WLS: variants seen among roughly 807,000 people sequenced by gnomAD.
WLS encodes Wnt ligand secretion mediator.
WLS carries 23 observed loss-of-function variants against 62.8 expected under a neutral mutation model. The observed-to-expected ratio is 0.37, with a 90% CI of 0.26 to 0.52. WLS has a LOEUF of 0.52. Ranked by LOEUF, WLS falls within the 20% of genes least tolerant of loss-of-function variation. WLS has a pLI of 0.92. For synonymous variants in WLS, 246 were observed against 244.1 expected, an observed-to-expected ratio of 1.01 and a Z score of -0.07; for missense variants, 615 against 697.3, an observed-to-expected ratio of 0.88 and a Z score of 1.33.
At chr1:68,198,017 G>A (rs1648772039) in intron 1 of WLS, among the ~76,000 whole-genome samples, 2 of 152,132 alleles carry the variant, frequency 1.3e-5, no homozygotes, top group South Asian at 4.1e-4. Flanking sequence ...ACTGAGTCAT[G>A]TTTGCTCAGG....
chr1:68,164,796 C>A (rs780407228), intron 2 of WLS, among the ~76,000 whole-genome samples: 3 of 152,168 alleles, frequency 2.0e-5, no homozygotes, highest in Admixed American at 6.5e-5. Flanking sequence ...TCTCCCACAT[C>A]TTCCCATCTG....
At chr1:68,216,338 G>A (rs1213349926) in intron 1 of WLS, among the ~76,000 whole-genome samples, 1 of 152,142 alleles carries the variant, frequency 6.6e-6, no homozygotes, top group Non-Finnish European at 1.5e-5. Context: ...TGATGGACTG[G>A]CCTATCTTAG....
chr1:68,106,305 T>C (rs1339882966), intron 11 of WLS, among the ~76,000 whole-genome samples: 2 of 152,280 alleles, frequency 1.3e-5, no homozygotes, highest in South Asian at 4.1e-4. Context: ...CTTGAGGAGA[T>C]GCCGAGGCTG....
chr1:68,170,626 G>A (rs182878496), intron 2 of WLS, among the ~76,000 whole-genome samples: 18 of 151,998 alleles, frequency 1.2e-4, no homozygotes, highest in Admixed American at 5.2e-4. Flanking sequence ...TGGCATCCCC[G>A]CTCGTGCCAG....
chr1:68,167,101 G>A (rs993299887), intron 2 of WLS, among the ~76,000 whole-genome samples: 16 of 152,238 alleles, frequency 1.1e-4, no homozygotes, highest in East Asian at 1.9e-4. Context: ...AAGACTTAAC[G>A]CCTAGAATTT....
At chr1:68,217,963 A>G (rs1038513773) in intron 1 of WLS, among the ~76,000 whole-genome samples, 2 of 152,240 alleles carry the variant, frequency 1.3e-5, no homozygotes. Flanking sequence ...TCTCACAGCA[A>G]TTAAGCAGAT....
chr1:68,119,720 A>G (rs1557453141), intron 11 of WLS, among the ~76,000 whole-genome samples: 1 of 152,236 alleles, frequency 6.6e-6, no homozygotes, highest in Non-Finnish European at 1.5e-5. Flanking sequence ...CAAGCCAGCT[A>G]CTTGCACACA....
At position 68,103,932 on chromosome 1, in the gene WLS, A is replaced by G. The variant is rs141212359; in HGVS notation, c.1511-5179T>C. Among the ~76,000 whole-genome samples the G allele has an allele frequency of 9.2e-5, 14 of 152,238 alleles. 1 individual carries two copies. Among genetic ancestry groups the G allele is most frequent in the Middle Eastern group, 3.4e-3 (1 of 294 alleles). On this transcript the variant is annotated intron_variant, in intron 11 of 11. Coordinates refer to the WLS transcript ENST00000354777. ...AAACATGGGGTGCTGGGGGCAGGGG[A>G]CAATTTTCCTCCTTGACTTGGCTGT... is the stretch of plus-strand genomic sequence containing the variant.
intron 11 of WLS, among the ~76,000 whole-genome samples, chr1:68,103,103 C>T (rs1224642694): frequency 1.3e-5 from 2 of 152,212 alleles, no homozygotes; most frequent in Admixed American, 6.5e-5. Flanking sequence ...AGCGCTCTTT[C>T]TGCTCCCACC....
At chr1:68,112,836 C>A (rs140554932) in intron 11 of WLS, among the ~76,000 whole-genome samples, 91 of 152,330 alleles carry the variant, frequency 6.0e-4, no homozygotes, top group African/African-American at 2.2e-3. Context: ...TCATTCCAAG[C>A]AATTACCATG....
At chr1:68,211,865 T>C (rs1649528855) in intron 1 of WLS, among the ~76,000 whole-genome samples, 1 of 152,202 alleles carries the variant, frequency 6.6e-6, no homozygotes, top group African/African-American at 2.4e-5. Context: ...TTCCTTTATC[T>C]AGTGAAGTTG....
Position 68,137,753 on chromosome 1 carries a change from A to G in WLS, c.1516+27T>C, listed in dbSNP as rs547376883. ...ACAGAAGCCTATTTATCCTGACTTA[A>G]GCTGTTCTAAAGAGACAGAAACTCA... On this transcript the variant is annotated intron_variant, in intron 11 of 11. Coordinates refer to ENST00000262348, the MANE Select transcript of WLS (RefSeq NM_024911.7). 1.9e-6 allele frequency: 3 copies of G among 1,607,434 alleles called. No individual in the cohort carries two copies. The African/African-American group carries it at 4.0e-5, about 22-fold the overall frequency.
chr1:68,181,027 T>C (rs1272779722), intron 2 of WLS, among the ~76,000 whole-genome samples: 2 of 152,238 alleles, frequency 1.3e-5, no homozygotes, highest in Non-Finnish European at 2.9e-5. Flanking sequence ...TTTTCCAATG[T>C]AGAGTCCCTA....
At chr1:68,181,014 GT>G (rs1474639537) in intron 2 of WLS, among the ~76,000 whole-genome samples, 1 of 152,144 alleles carries the variant, frequency 6.6e-6, no homozygotes, top group African/African-American at 2.4e-5. Context: ...GGGGAAAATG[GT>G]TTTTTCCAAT....
intron 1 of WLS, among the ~76,000 whole-genome samples, chr1:68,205,108 C>T (rs1317158826): frequency 6.6e-6 from 1 of 152,266 alleles, no homozygotes; most frequent in Non-Finnish European, 1.5e-5. Context: ...TAATCCTTGT[C>T]CCGCCTGTAT....
At chr1:68,129,966 G>A (rs935304491) in intron 11 of WLS, among the ~76,000 whole-genome samples, 3 of 152,148 alleles carry the variant, frequency 2.0e-5, no homozygotes, top group Admixed American at 6.5e-5. Flanking sequence ...ATTAGATGAC[G>A]GTCTATTTCT....
intron 11 of WLS, among the ~76,000 whole-genome samples, chr1:68,131,321 T>C (rs1036998364): frequency 1.3e-5 from 2 of 152,152 alleles, no homozygotes; most frequent in African/African-American, 4.8e-5. Flanking sequence ...AGTTCCTCTG[T>C]ACTCTGCATG....
chr1:68,161,703 C>T, intron 2 of WLS: 1 of 1,312,712 alleles, frequency 7.6e-7, no homozygotes, highest in South Asian at 1.3e-5. Flanking sequence ...TCATTTTTCA[C>T]TATCTCTTGG....
At chr1:68,132,522 A>G (rs1267857814) in intron 11 of WLS, among the ~76,000 whole-genome samples, 4 of 152,218 alleles carry the variant, frequency 2.6e-5, no homozygotes, top group African/African-American at 7.2e-5. Flanking sequence ...AACAAGGGGC[A>G]GGAGACCTCA....
Sources: gnomAD v4.1 joint callset for allele counts (sites outside exome capture counted in the v4.1 genomes callset) on GRCh38, gnomAD v4.1.1 for gene constraint, MANE v1.5 for transcripts, NCBI Gene and HGNC (gene_info 2026-07-23, HGNC 2026-07-21) for gene names.